The following GPAT4 variants were observed in gnomAD, a reference collection of about 807,000 sequenced individuals.
GPAT4 encodes 1-AGP acyltransferase 6.
Under a neutral mutation model 58.0 loss-of-function variants are expected in GPAT4, and 17 were observed. That is an observed-to-expected ratio of 0.29 (90% CI 0.20 to 0.44). The LOEUF (loss-of-function observed/expected upper bound fraction) is 0.44, where lower values mean the gene tolerates loss of function less well. GPAT4 is among the 20% of genes least tolerant of loss of function. The pLI is 1.00. For synonymous variants in GPAT4, 204 were observed against 210.1 expected (o/e 0.97, Z 0.25); for missense variants, 377 against 574.5 (o/e 0.66, Z 3.51).
chr8:41,614,468 G>T, intron 9 of GPAT4, 27 bp downstream of exon 9: 7 of 1,610,460 alleles, frequency 4.3e-6, no homozygotes, highest in Non-Finnish European at 5.9e-6. Context: ...TGCCACGAAG[G>T]GCTTCTGTGG....
chr8:41,592,578 C>T (rs1260892157), intron 1 of GPAT4, among the ~76,000 whole-genome samples: 2 of 152,142 alleles, frequency 1.3e-5, no homozygotes, highest in African/African-American at 2.4e-5. Flanking sequence ...TACTAATTCT[C>T]GGGCTTCTCA....
intron 2 of GPAT4, among the ~76,000 whole-genome samples, chr8:41,603,591 G>GT (rs1370583250): frequency 6.6e-6 from 1 of 151,426 alleles, no homozygotes; most frequent in East Asian, 1.9e-4. Flanking sequence ...CTGGGTAGGC[G>GT]TTTTTTTAAA....
chr8:41,622,282 G>T lies in GPAT4; in HGVS notation c.*1281G>T. The T allele has an allele frequency of 1.5e-5, 1 of 64,634 alleles. No homozygotes were observed. The highest frequency in any genetic ancestry group is 3.7e-4 in the East Asian group (1 of 2,716). The allele number at this position is 64,634 out of a possible 1,614,324, so 4.0% of individuals were successfully genotyped here. On this transcript the variant is annotated 3_prime_UTR_variant, in exon 13 of 13. Transcript: ENST00000396987. The stretch of plus-strand genomic sequence containing the variant: ...CCTGTGCTGCATGGTGGCTTCTGCA[G>T]GGGAGGGACAGGGGAGGGCTGCAGA...
Position 41,624,970 on chromosome 8 carries a change from CT to C in GPAT4, c.*3971del, listed in dbSNP as rs1803873797. ...TTAATGGTCTTTTGATAAATAATCA[CT>C]TGTAAGTCAATAAATTTTTATTAAA... is the stretch of plus-strand genomic sequence containing the variant. On this transcript the variant is annotated 3_prime_UTR_variant, in exon 13 of 13. Coordinates refer to ENST00000396987, the MANE Select transcript of GPAT4 (RefSeq NM_178819.4). The C allele has an allele frequency of 6.6e-6, 1 of 152,184 alleles. No homozygotes were observed. The highest frequency in any genetic ancestry group is 2.1e-4 in the South Asian group (1 of 4,826). 9.4% of individuals were successfully genotyped at this position (152,184 alleles called of 1,614,324 possible).
In GPAT4 at chr8:41,621,067, C is replaced by T. The variant is rs1350740278; in HGVS notation, c.*66C>T. The T allele has an allele frequency of 1.3e-5, 20 of 1,541,842 alleles. No individual in the cohort carries two copies. In the East Asian group the frequency reaches 2.0e-4, roughly 15 times the overall value. ...ACGGGCTCAGAGCTGGAGTTGCCGC[C>T]GCCGCCCCCACTGCTGTGTCCTTTC... On this transcript the variant is annotated 3_prime_UTR_variant, in exon 13 of 13. Coordinates refer to ENST00000396987, the MANE Select transcript of GPAT4 (RefSeq NM_178819.4).
chr8:41,619,316 C>T, intron 12 of GPAT4: 1 of 331,436 alleles, frequency 3.0e-6, no homozygotes, highest in Non-Finnish European at 5.6e-6. Flanking sequence ...TCCCAGGTCC[C>T]AGTGTATCTG....
At position 41,609,491 on chromosome 8, in the gene GPAT4, A is replaced by G. The variant is rs1166421438; in HGVS notation, c.235+6A>G. ...TTACAAGCCCTACACCAACGGTAAG[A>G]TGGGGGTGTGATCCTTGTCCTGAGA... On this transcript the variant is annotated splice_donor_region_variant and intron_variant, in intron 3 of 12. Coordinates refer to ENST00000396987, the MANE Select transcript of GPAT4 (RefSeq NM_178819.4). The G allele has an allele frequency of 6.2e-7, 1 of 1,613,906 alleles. No homozygotes were observed. Among genetic ancestry groups the G allele is most frequent in the Non-Finnish European group, 8.5e-7 (1 of 1,179,922 alleles).
At chr8:41,616,956 T>C (rs1803611892) in intron 10 of GPAT4, among the ~76,000 whole-genome samples, 1 of 152,162 alleles carries the variant, frequency 6.6e-6, no homozygotes, top group African/African-American at 2.4e-5. Context: ...AGCTTCTGCC[T>C]TTTTTCTCTG....
chr8:41,589,891 C>T (rs1008490540), intron 1 of GPAT4, among the ~76,000 whole-genome samples: 8 of 152,152 alleles, frequency 5.3e-5, no homozygotes, highest in Admixed American at 3.3e-4. Flanking sequence ...GGAGAGACAG[C>T]AATGGTGGAG....
intron 1 of GPAT4, among the ~76,000 whole-genome samples, chr8:41,583,714 A>G (rs1482203130): frequency 3.9e-5 from 6 of 152,252 alleles, no homozygotes; most frequent in Admixed American, 2.0e-4. Flanking sequence ...TCAGTGGAAC[A>G]TAAAGATGAA....
intron 1 of GPAT4, among the ~76,000 whole-genome samples, chr8:41,584,372 G>A (rs1232209927): frequency 6.6e-6 from 1 of 152,156 alleles, no homozygotes; most frequent in Non-Finnish European, 1.5e-5. Flanking sequence ...CTTGTAGATA[G>A]CAGTTTTATT....
rs547571791 is a variant in GPAT4, at chr8:41,624,433, C to G, written c.*3432C>G. ...CCTGCCATTTCCTTCCTGGAATTGG[C>G]CAGGAACTTGATTTTCTGGGCTATT... On this transcript the variant is annotated 3_prime_UTR_variant, in exon 13 of 13. Transcript: ENST00000396987. The G allele has an allele frequency of 2.0e-5, 3 of 152,248 alleles. No individual in the cohort carries two copies. In the East Asian group the frequency reaches 5.8e-4, roughly 29 times the overall value. The allele number at this position is 152,248 out of a possible 1,614,324, so 9.4% of individuals were successfully genotyped here.
intron 7 of GPAT4, 87 bp downstream of exon 7, chr8:41,612,360 A>G: frequency 7.3e-7 from 1 of 1,361,454 alleles, no homozygotes; most frequent in South Asian, 1.2e-5. Context: ...CCTTCACATA[A>G]ACACATTTAT....
At chr8:41,616,615 A>G (rs976112189) in intron 10 of GPAT4, among the ~76,000 whole-genome samples, 3 of 151,814 alleles carry the variant, frequency 2.0e-5, no homozygotes, top group East Asian at 1.9e-4. Flanking sequence ...CCATTCTAAC[A>G]TGTTCTGGGT....
Position 41,612,010 on chromosome 8 carries a change from T to C in GPAT4, c.701+18T>C, listed in dbSNP as rs771566575. 34 of 1,613,542 alleles carry C rather than the reference T, an allele frequency of 2.1e-5. No individual in the cohort carries two copies. In the Admixed American group the frequency reaches 3.7e-4, roughly 17 times the overall value. On this transcript the variant is annotated intron_variant, in intron 6 of 12. Coordinates refer to ENST00000396987, the MANE Select transcript of GPAT4 (RefSeq NM_178819.4). ...CATGACAGGTGAGAGCGCTTTGTAT[T>C]GATAGGAAGGGAGATGGCGCTGCAG...
At chr8:41,610,577 A>G in intron 4 of GPAT4, 159 bp from the exon 5 acceptor site, 1 of 1,522,732 alleles carries the variant, frequency 6.6e-7, no homozygotes, top group South Asian at 1.2e-5. Flanking sequence ...TCTGGTTCTG[A>G]TAGGCCTGCT....
chr8:41,614,451 G>C lies in GPAT4; in HGVS notation c.967+10G>C. Reference sequence around the variant, plus strand: ...CTCATCTTCCCAGAAGGTAAGAAGGGGTTGGTTGCCACGAAGGGCTTCTGT... The same window carrying C: ...CTCATCTTCCCAGAAGGTAAGAAGGCGTTGGTTGCCACGAAGGGCTTCTGT... On this transcript the variant is annotated intron_variant, in intron 9 of 12. Transcript: ENST00000396987. 6.2e-7 allele frequency: 1 copy of C among 1,613,998 alleles called. No homozygotes were observed. The highest frequency in any genetic ancestry group is 8.5e-7 in the Non-Finnish European group (1 of 1,179,930).
chr8:41,620,988 G>A lies in GPAT4; in HGVS notation c.1358G>A (p.Arg453Lys). 6.4e-7 allele frequency: 1 copy of A among 1,551,170 alleles called. No homozygotes were observed. The highest frequency in any genetic ancestry group is 2.0e-5 in the Admixed American group (1 of 51,020). ...ATGATCGTGGGGAACCACAAGGACA[G>A]GAGCCGCTCCTGAGCCTGCCTCCAG... is the stretch of plus-strand genomic sequence containing the variant. ...SKMIVGNHKD[R>K]SRS The change falls in exon 13 of 13, where the codon AGG becomes AAG. Residue 453 changes from arginine (R) to lysine (K), a missense_variant. Arg to Lys is a conservative substitution (Grantham distance 26, BLOSUM62 2). Coordinates refer to ENST00000396987, the MANE Select transcript of GPAT4 (RefSeq NM_178819.4).
At chr8:41,593,290 C>T (rs1243294549) in intron 1 of GPAT4, among the ~76,000 whole-genome samples, 1 of 152,166 alleles carries the variant, frequency 6.6e-6, no homozygotes, top group Non-Finnish European at 1.5e-5. Flanking sequence ...CTGGTCACTT[C>T]CTGGGCTACA....
Sources: allele counts gnomAD v4.1 joint callset (sites outside exome capture counted in the v4.1 genomes callset), GRCh38; gene constraint gnomAD v4.1.1; transcripts MANE v1.5; gene names NCBI Gene and HGNC (gene_info 2026-07-23, HGNC 2026-07-21).